Variants in NPC1L1 observed in about 807,000 individuals in gnomAD.
NPC1L1 encodes the protein NPC1 like intracellular cholesterol transporter 1, also known as NPC1-like intracellular cholesterol transporter 1.
In NPC1L1, 98 loss-of-function variants were observed where a neutral mutation model predicts 117.0. That is an observed-to-expected ratio of 0.84 (90% CI 0.71 to 0.99). The LOEUF is 0.99. Among genes scored for constraint, NPC1L1 ranks in the 50% least tolerant of loss-of-function variants. NPC1L1 has a pLI of 0.00. For synonymous variants in NPC1L1, 729 were observed against 727.6 expected (o/e 1.00, Z -0.03); for missense variants, 1,540 against 1,710.0 (o/e 0.90, Z 1.75).
chr7:44,517,522 A>G (rs1006089171), intron 14 of NPC1L1, among the ~76,000 whole-genome samples, 165 bp from the exon 15 acceptor site: 1 of 152,270 alleles, frequency 6.6e-6, no homozygotes, highest in East Asian at 1.9e-4. Flanking sequence ...CAAGAGGCCC[A>G]TATTTTTGTT....
At chr7:44,527,313 C>T (rs1801547360) in intron 10 of NPC1L1, among the ~76,000 whole-genome samples, 1 of 151,912 alleles carries the variant, frequency 6.6e-6, no homozygotes, top group African/African-American at 2.4e-5. Flanking sequence ...ACAAAATTAG[C>T]CTGGCGTGGT....
chr7:44,539,213 G>A lies in NPC1L1; in HGVS notation c.1184C>T (p.Ala395Val), dbSNP rs62001882. Residue 395 changes from alanine (A) to valine (V), a missense_variant, in exon 2 of 19, where the codon GCT (alanine) becomes GTT (valine). This residue lies in a region of NPC1L1 where 793 missense variants were observed against 820.4 expected (regional missense o/e 0.97). Transcript: ENST00000381160. The surrounding 1 kb of genome is among the most constrained non-coding windows in gnomAD (Gnocchi z 4.4). ...APNSQARSEK[A>V]FHDQHFGPFF... ...GGGGCCGAAATGCTGGTCATGGAAA[G>A]CTTTCTCACTCCGGGCTTGGCTGTT... is the stretch of plus-strand genomic sequence containing the variant. 154 of 1,614,138 alleles carry A rather than the reference G, an allele frequency of 9.5e-5. No homozygotes were observed. In the African/African-American group the frequency reaches 1.9e-3, roughly 20 times the overall value.
intron 16 of NPC1L1, 27 bp downstream of exon 16, chr7:44,516,676 C>T (rs764543971): frequency 3.2e-6 from 5 of 1,574,714 alleles, no homozygotes; most frequent in Admixed American, 3.6e-5. Context: ...TCCAGAGGCC[C>T]CCTGGTGCCT....
intron 14 of NPC1L1, 145 bp downstream of exon 14, chr7:44,520,620 C>A (rs1051662992): frequency 2.2e-5 from 17 of 769,598 alleles, no homozygotes; most frequent in Non-Finnish European, 3.5e-5. Context: ...AGCTGGGAAA[C>A]AAGACCCCTG....
Position 44,534,424 on chromosome 7 carries a change from G to C in NPC1L1, c.2166+23C>G. ...GGGAGAAGAGTGGGCAGTTGGGGGT[G>C]TGGAGAGCTCCTCCCTTCTTACCTG... On this transcript the variant is annotated intron_variant, in intron 6 of 18. Coordinates refer to ENST00000381160, the MANE Select transcript of NPC1L1 (RefSeq NM_001101648.2). This position sits in a 1 kb window ranked among gnomAD's most constrained non-coding sequence, Gnocchi z 5.2. 2 of 1,613,326 alleles carry C rather than the reference G, an allele frequency of 1.2e-6. No individual in the cohort carries two copies. The highest frequency in any genetic ancestry group is 1.7e-6 in the Non-Finnish European group (2 of 1,179,250).
chr7:44,513,703 G>A, intron 18 of NPC1L1, 54 bp from the exon 19 acceptor site: 2 of 1,582,394 alleles, frequency 1.3e-6, no homozygotes. Context: ...ACACAGGTGA[G>A]AAGCTATTCC....
In NPC1L1 at chr7:44,513,509, C is replaced by T. The variant is rs1209273794; in HGVS notation, c.3937G>A (p.Gly1313Ser). 6.2e-7 allele frequency: 1 copy of T among 1,614,218 alleles called. No individual in the cohort carries two copies. Among genetic ancestry groups the T allele is most frequent in the Non-Finnish European group, 8.5e-7 (1 of 1,180,030 alleles). Residue 1313 changes from glycine (G) to serine (S), a missense_variant, in exon 19 of 19, where the codon GGT (glycine) becomes AGT (serine). Physicochemically the swap from Gly to Ser is moderately conservative, Grantham distance 56. Coordinates refer to ENST00000381160, the MANE Select transcript of NPC1L1 (RefSeq NM_001101648.2). ...DNIYVNHSFE[G>S]SIKGAGAISN... ...ATGGCACCAGCACCTTTGATAGAAC[C>T]TTCAAAGCTGTGGTTGACATAGATG...
At chr7:44,523,014 C>T (rs1489355586) in intron 10 of NPC1L1, among the ~76,000 whole-genome samples, 1 of 152,186 alleles carries the variant, frequency 6.6e-6, no homozygotes, top group Non-Finnish European at 1.5e-5. Flanking sequence ...AGGAATCCCT[C>T]TCCCCAGCTA....
At position 44,515,978 on chromosome 7, in the gene NPC1L1, G is replaced by T; in HGVS notation, c.3634-13C>A. 2 of 1,613,510 alleles carry T rather than the reference G, an allele frequency of 1.2e-6. No homozygotes were observed. Among genetic ancestry groups the T allele is most frequent in the Non-Finnish European group, 1.7e-6 (2 of 1,179,700 alleles). Reference sequence around the variant, plus strand: ...CACCTGCAAACACCTGGGGGGTTCAGAGCCAGGTGTCAGGCAGGGCACAGG... The same window carrying T: ...CACCTGCAAACACCTGGGGGGTTCATAGCCAGGTGTCAGGCAGGGCACAGG... On this transcript the variant is annotated splice_polypyrimidine_tract_variant and intron_variant, in intron 17 of 18. Transcript: ENST00000381160.
intron 10 of NPC1L1, among the ~76,000 whole-genome samples, chr7:44,526,596 C>T (rs1010061285): frequency 1.3e-5 from 2 of 150,172 alleles, no homozygotes; most frequent in African/African-American, 5.0e-5. Context: ...GAGGGAGATG[C>T]CAGATGAGGT....
At chr7:44,531,032 C>T (rs1209768572) in intron 10 of NPC1L1, among the ~76,000 whole-genome samples, 1 of 152,232 alleles carries the variant, frequency 6.6e-6, no homozygotes, top group Non-Finnish European at 1.5e-5. Context: ...CCCTCGATGC[C>T]TTCCCTCTCC....
Position 44,540,090 on chromosome 7 carries a change from G to C in NPC1L1, c.307C>G (p.Leu103Val). 6.2e-7 allele frequency: 1 copy of C among 1,614,202 alleles called. No homozygotes were observed. The highest frequency in any genetic ancestry group is 8.5e-7 in the Non-Finnish European group (1 of 1,180,028). ...AKQLVSLEAS[L>V]SITKALLTRC... ...GTGAGGAGGGCCTTGGTGATCGACA[G>C]ACTCGCTTCCAGTGATACCAGCTGC... is the stretch of plus-strand genomic sequence containing the variant. Residue 103 changes from leucine (L) to valine (V), a missense_variant, in exon 2 of 19, where the codon CTG becomes GTG. Transcript: ENST00000381160.
chr7:44,522,854 GC>G (rs1431976465), intron 10 of NPC1L1, among the ~76,000 whole-genome samples: 1 of 152,114 alleles, frequency 6.6e-6, no homozygotes, highest in Non-Finnish European at 1.5e-5. Flanking sequence ...TAACAAGCTG[GC>G]CTGTGACAAC....
rs1801372975 is a variant in NPC1L1, at chr7:44,521,950, G to A, written c.2828+102C>T. ...CAGGCATACGGCAGCAAGGCAGCAG[G>A]GCAGCAGGACAGGGATAGAACATCA... On this transcript the variant is annotated intron_variant, in intron 11 of 18. Transcript: ENST00000381160. 14 of 1,595,938 alleles carry A rather than the reference G, an allele frequency of 8.8e-6. No individual in the cohort carries two copies. In the South Asian group the frequency reaches 1.6e-4, roughly 18 times the overall value.
At position 44,522,023 on chromosome 7, in the gene NPC1L1, C is replaced by T. The variant is rs370700360; in HGVS notation, c.2828+29G>A. 10 of 1,611,706 alleles carry T rather than the reference C, an allele frequency of 6.2e-6. No individual in the cohort carries two copies. The East Asian group carries it at 1.8e-4, about 29-fold the overall frequency. On this transcript the variant is annotated intron_variant, in intron 11 of 18. Coordinates refer to ENST00000381160, the MANE Select transcript of NPC1L1 (RefSeq NM_001101648.2). ...TGGAGGGACTCAAACAGGGAGTAGG[C>T]TGGGGTTTGGGGCGGGCCAGGAACT...
In NPC1L1 at chr7:44,512,939, C is replaced by T. The variant is rs924246075; in HGVS notation, c.*508G>A. The T allele has an allele frequency of 1.1e-4, 22 of 198,840 alleles. 1 individual carries two copies. Among genetic ancestry groups the T allele is most frequent in the Non-Finnish European group, 2.0e-4 (19 of 95,652 alleles). 12.3% of individuals were successfully genotyped at this position (198,840 alleles called of 1,614,324 possible). ...GGTGCGCCCTGGAGGGAGTGGCTGC[C>T]GACCGGCCTCCCACAGCGTTGGCTC... On this transcript the variant is annotated 3_prime_UTR_variant, in exon 19 of 19. Coordinates refer to ENST00000381160, the MANE Select transcript of NPC1L1 (RefSeq NM_001101648.2).
intron 2 of NPC1L1, among the ~76,000 whole-genome samples, chr7:44,537,923 G>T (rs898733144): frequency 6.6e-6 from 1 of 152,122 alleles, no homozygotes; most frequent in Non-Finnish European, 1.5e-5. Context: ...CAAACTTGGG[G>T]CCCAGCTGAG....
Position 44,522,205 on chromosome 7 carries a change from C to A in NPC1L1, c.2675G>T (p.Arg892Leu). 6.2e-7 allele frequency: 1 copy of A among 1,613,696 alleles called. No homozygotes were observed. ...CACCGGGGCCCCCACCTCGAAGTAG[C>A]GGTTCAGAAAGAGGAAATAGTCAAG... ...YLLDYFLFLN[R>L]YFEVGAPVYF... Residue 892 changes from arginine to leucine, a missense_variant, in exon 11 of 19, where the codon CGC becomes CTC. Coordinates refer to ENST00000381160, the MANE Select transcript of NPC1L1 (RefSeq NM_001101648.2).
chr7:44,527,057 G>A (rs919013711), intron 10 of NPC1L1, among the ~76,000 whole-genome samples: 2 of 152,070 alleles, frequency 1.3e-5, no homozygotes, highest in African/African-American at 4.8e-5. Context: ...AAATTAAAAT[G>A]AGGGTGAAAT....
Sources: gnomAD v4.1 joint callset for allele counts (sites outside exome capture counted in the v4.1 genomes callset) on GRCh38, gnomAD v4.1.1 for gene constraint, gnomAD v4.1.1 regional missense constraint, Gnocchi (gnomAD v3.1) non-coding constraint, MANE v1.5 for transcripts, NCBI Gene and HGNC (gene_info 2026-07-23, HGNC 2026-07-21) for gene names.